The following CSMD3 variants were observed in gnomAD, a reference collection of about 807,000 sequenced individuals.
The protein encoded by CSMD3 is CUB and sushi domain-containing protein 3.
CSMD3 carries 177 observed loss-of-function variants against 435.2 expected under a neutral mutation model. The observed-to-expected ratio is 0.41, with a 90% confidence interval of 0.36 to 0.46. CSMD3 has a LOEUF of 0.46. Ranked by LOEUF, CSMD3 falls within the 20% of genes least tolerant of loss-of-function variation. The pLI is 0.34. For synonymous variants in CSMD3, 1,656 were observed against 1,520.5 expected (o/e 1.09, Z -2.07); for missense variants, 4,265 against 4,504.6 (o/e 0.95, Z 1.52).
At chr8:112,529,394 C>A (rs1277896070) in intron 27 of CSMD3, among the ~76,000 whole-genome samples, 1 of 152,048 alleles carries the variant, frequency 6.6e-6, no homozygotes, top group Non-Finnish European at 1.5e-5. Flanking sequence ...TTGAGACCAG[C>A]CTGAACATCA....
intron 3 of CSMD3, among the ~76,000 whole-genome samples, chr8:113,270,562 C>T (rs546199463): frequency 6.6e-6 from 1 of 152,194 alleles, no homozygotes; most frequent in African/African-American, 2.4e-5. Context: ...ATAGCAAAGA[C>T]TTGGAACCAA....
intron 4 of CSMD3, among the ~76,000 whole-genome samples, chr8:113,121,507 C>T (rs1028602603): frequency 7.9e-5 from 12 of 152,074 alleles, no homozygotes; most frequent in African/African-American, 2.4e-4. Context: ...ACCAAGGGAG[C>T]TTCTCCCTAA....
intron 3 of CSMD3, among the ~76,000 whole-genome samples, chr8:113,180,783 TG>T (rs2092412003): frequency 6.6e-6 from 1 of 152,056 alleles, no homozygotes; most frequent in African/African-American, 2.4e-5. Flanking sequence ...TGATTTTGTA[TG>T]AGTCAAATTA....
At chr8:112,246,897 TG>T in intron 64 of CSMD3, 122 bp downstream of exon 64, 3 of 742,642 alleles carry the variant, frequency 4.0e-6, no homozygotes, top group Non-Finnish European at 4.8e-6. Flanking sequence ...GCATATAATA[TG>T]TTTTATAATC....
intron 27 of CSMD3, among the ~76,000 whole-genome samples, chr8:112,525,981 T>C (rs994286111): frequency 1.5e-4 from 22 of 146,158 alleles, no homozygotes; most frequent in African/African-American, 5.4e-4. Flanking sequence ...TACTAAAGTT[T>C]CAAATTTTAA....
intron 1 of CSMD3, among the ~76,000 whole-genome samples, chr8:113,390,687 G>A (rs758159670): frequency 1.3e-5 from 2 of 151,624 alleles, no homozygotes; most frequent in Non-Finnish European, 2.9e-5. Flanking sequence ...TTCAGCCAAG[G>A]GTCTAACACT....
intron 4 of CSMD3, among the ~76,000 whole-genome samples, chr8:113,133,373 C>T (rs566231854): frequency 2.0e-5 from 3 of 152,176 alleles, no homozygotes; most frequent in Admixed American, 6.5e-5. Flanking sequence ...TATCACCTCA[C>T]ACCGTTAGGA....
intron 10 of CSMD3, among the ~76,000 whole-genome samples, chr8:112,863,815 A>G (rs1008135051): frequency 2.6e-5 from 4 of 152,098 alleles, no homozygotes; most frequent in Non-Finnish European, 5.9e-5. Context: ...GAAATTTCCT[A>G]GTATATAAGA....
At chr8:113,055,733 G>A (rs2131344146) in intron 5 of CSMD3, among the ~76,000 whole-genome samples, 1 of 152,240 alleles carries the variant, frequency 6.6e-6, no homozygotes, top group Middle Eastern at 3.4e-3. Flanking sequence ...AGGAAGATTG[G>A]TTGATTTTTC....
intron 1 of CSMD3, among the ~76,000 whole-genome samples, chr8:113,330,817 T>C (rs2094022048): frequency 6.6e-6 from 1 of 151,808 alleles, no homozygotes; most frequent in African/African-American, 2.4e-5. Context: ...AGTATATACT[T>C]CAAAAATAAT....
At chr8:112,450,539 A>C (rs1816141974) in intron 32 of CSMD3, among the ~76,000 whole-genome samples, 1 of 152,188 alleles carries the variant, frequency 6.6e-6, no homozygotes, top group Non-Finnish European at 1.5e-5. Flanking sequence ...GTATCTTCTA[A>C]GGGTGGTTGG....
intron 6 of CSMD3, among the ~76,000 whole-genome samples, chr8:112,999,748 A>G (rs1391994415): frequency 6.6e-6 from 1 of 151,728 alleles, no homozygotes; most frequent in African/African-American, 2.4e-5. Context: ...TTGAAAGCAG[A>G]GCAAGGCAGG....
At chr8:113,378,881 G>A (rs1159712234) in intron 1 of CSMD3, among the ~76,000 whole-genome samples, 5 of 151,946 alleles carry the variant, frequency 3.3e-5, no homozygotes, top group Non-Finnish European at 7.4e-5. Context: ...AGCTAAACTT[G>A]AGAAACCCTA....
chr8:112,335,280 A>G, intron 45 of CSMD3, 49 bp downstream of exon 45: 1 of 1,575,032 alleles, frequency 6.3e-7, no homozygotes, highest in Non-Finnish European at 8.7e-7. Context: ...TTTTTCCAGG[A>G]CAAATTAAAC....
intron 12 of CSMD3, among the ~76,000 whole-genome samples, chr8:112,800,501 C>G (rs1480420861): frequency 6.6e-6 from 1 of 151,896 alleles, no homozygotes. Context: ...CTTTCATGTT[C>G]CTGAGGCAAG....
chr8:113,410,595 G>A (rs766809641), intron 1 of CSMD3, among the ~76,000 whole-genome samples: 1 of 151,898 alleles, frequency 6.6e-6, no homozygotes, highest in Non-Finnish European at 1.5e-5. Flanking sequence ...AGAAATGAGT[G>A]GTCCCCAAGT....
At chr8:112,757,634 A>T (rs2132131352) in intron 13 of CSMD3, among the ~76,000 whole-genome samples, 1 of 152,022 alleles carries the variant, frequency 6.6e-6, no homozygotes, top group Non-Finnish European at 1.5e-5. Flanking sequence ...TAAGAAGAGC[A>T]GTTGATTTTT....
chr8:112,786,717 T>A (rs969664573), intron 13 of CSMD3, among the ~76,000 whole-genome samples: 4 of 152,054 alleles, frequency 2.6e-5, no homozygotes, highest in Non-Finnish European at 4.4e-5. Flanking sequence ...CAGTGAGATA[T>A]CATGTCACTC....
chr8:112,928,481 C>T (rs2082984870), intron 9 of CSMD3, among the ~76,000 whole-genome samples: 1 of 152,160 alleles, frequency 6.6e-6, no homozygotes, highest in South Asian at 2.1e-4. Flanking sequence ...TGTTCCCCTT[C>T]CTGTGTCCAT....
Sources: gnomAD v4.1 joint callset for allele counts (sites outside exome capture counted in the v4.1 genomes callset) on GRCh38, gnomAD v4.1.1 for gene constraint, MANE v1.5 for transcripts, NCBI Gene and HGNC (gene_info 2026-07-23, HGNC 2026-07-21) for gene names.